The following CYP7B1 variants were observed in gnomAD, a reference collection of about 807,000 sequenced individuals.
CYP7B1 encodes cytochrome P450 family 7 subfamily B member 1.
CYP7B1 carries 29 observed loss-of-function variants against 42.7 expected under a neutral mutation model. The observed-to-expected ratio is 0.68, with a 90% CI of 0.51 to 0.93. CYP7B1 has a LOEUF of 0.93. Ranked by LOEUF, CYP7B1 falls within the 40% of genes least tolerant of loss-of-function variation. CYP7B1 has a pLI of 0.00. For missense variants in CYP7B1, 655 were observed against 600.5 expected (o/e 1.09, Z -0.95); for synonymous variants, 235 against 218.2 (o/e 1.08, Z -0.68).
intron 1 of CYP7B1, among the ~76,000 whole-genome samples, chr8:64,790,701 A>G (rs561448793): frequency 2.5e-4 from 38 of 152,334 alleles, no homozygotes; most frequent in African/African-American, 8.7e-4. Flanking sequence ...AGTGTTTACA[A>G]TATCTGATTA....
At chr8:64,748,885 T>C (rs967178643) in intron 1 of CYP7B1, among the ~76,000 whole-genome samples, 1 of 152,024 alleles carries the variant, frequency 6.6e-6, no homozygotes, top group African/African-American at 2.4e-5. Flanking sequence ...TAAACTACAG[T>C]CTCCATCTTC....
At chr8:64,788,883 T>C (rs1376819159) in intron 1 of CYP7B1, among the ~76,000 whole-genome samples, 1 of 152,162 alleles carries the variant, frequency 6.6e-6, no homozygotes, top group East Asian at 1.9e-4. Context: ...TGATGTTAAG[T>C]GAGGACTTAC....
chr8:64,759,616 A>C (rs1051893979), intron 1 of CYP7B1, among the ~76,000 whole-genome samples: 2 of 152,184 alleles, frequency 1.3e-5, no homozygotes, highest in Non-Finnish European at 2.9e-5. Context: ...ATGAATATGA[A>C]CTGTTAGACT....
chr8:64,649,370 T>G (rs748044736), intron 1 of CYP7B1, among the ~76,000 whole-genome samples: 3 of 152,264 alleles, frequency 2.0e-5, no homozygotes, highest in Non-Finnish European at 2.9e-5. Context: ...TCATCTATGT[T>G]GTTACATATT....
intron 1 of CYP7B1, among the ~76,000 whole-genome samples, chr8:64,789,218 G>A (rs1285675201): frequency 6.6e-6 from 1 of 152,120 alleles, no homozygotes. Flanking sequence ...ATGAGCCACT[G>A]TGCCTGGCCA....
chr8:64,798,652 C>T lies in CYP7B1; in HGVS notation c.-65G>A. On this transcript the variant is annotated 5_prime_UTR_variant, in exon 1 of 6. Transcript: ENST00000310193. ...CCTGCGAACAGCGCGGTCGGCGACT[C>T]TGCAGCCTGCGGCGGCTTCTCTCGG... The T allele has an allele frequency of 1.4e-6, 2 of 1,423,102 alleles. No homozygotes were observed. The highest frequency in any genetic ancestry group is 1.8e-6 in the Non-Finnish European group (2 of 1,096,636). The allele number at this position is 1,423,102 out of a possible 1,614,324, so 88.2% of individuals were successfully genotyped here.
intron 4 of CYP7B1, among the ~76,000 whole-genome samples, chr8:64,614,365 G>A (rs536162943): frequency 1.4e-4 from 21 of 152,106 alleles, no homozygotes; most frequent in African/African-American, 4.6e-4. Flanking sequence ...CTCATGAGTC[G>A]GTGAGTATTT....
At chr8:64,681,732 A>G (rs1045223592) in intron 1 of CYP7B1, among the ~76,000 whole-genome samples, 1 of 152,114 alleles carries the variant, frequency 6.6e-6, no homozygotes, top group African/African-American at 2.4e-5. Context: ...GCCCAAATTG[A>G]GTTTTGAGAT....
chr8:64,634,093 C>T (rs1023682911), intron 1 of CYP7B1, among the ~76,000 whole-genome samples: 1 of 152,162 alleles, frequency 6.6e-6, no homozygotes, highest in African/African-American at 2.4e-5. Flanking sequence ...TTGATTTGCA[C>T]ATGACATAAA....
chr8:64,759,816 A>G (rs1012616476), intron 1 of CYP7B1, among the ~76,000 whole-genome samples: 3 of 152,312 alleles, frequency 2.0e-5, no homozygotes, highest in East Asian at 3.9e-4. Context: ...CTCCAAATTT[A>G]TTTTAAAATA....
At chr8:64,627,046 T>C (rs1396063621) in intron 1 of CYP7B1, among the ~76,000 whole-genome samples, 4 of 152,212 alleles carry the variant, frequency 2.6e-5, no homozygotes, top group African/African-American at 9.7e-5. Context: ...ATCCAAGTTA[T>C]GATAGAAATA....
rs769983985 is a variant in CYP7B1, at chr8:64,615,782, C to T, written c.759G>A (p.Lys253=). The T allele has an allele frequency of 6.2e-7, 1 of 1,613,794 alleles. No homozygotes were observed. The highest frequency in any genetic ancestry group is 1.3e-5 in the African/African-American group (1 of 75,006). ...CTGACCATCCTTGCATCTTGGCTAA[C>T]TTTTCTGATGAGAAGCATTTTATAA... ...EKIIKCFSSE[K]LAKMQGWSEV... Residue 253 remains lysine, a synonymous_variant, in exon 3 of 6, where the codon AAG becomes AAA. Transcript: ENST00000310193.
chr8:64,659,179 T>C (rs1806164510), intron 1 of CYP7B1, among the ~76,000 whole-genome samples: 1 of 152,222 alleles, frequency 6.6e-6, no homozygotes, highest in Non-Finnish European at 1.5e-5. Context: ...GGTATTTTAC[T>C]AAACCACGGT....
intron 1 of CYP7B1, among the ~76,000 whole-genome samples, chr8:64,781,810 G>A (rs911999904): frequency 2.0e-5 from 3 of 152,156 alleles, no homozygotes; most frequent in Admixed American, 6.6e-5. Context: ...CTGGAGCTGA[G>A]AAGGCTTTAT....
intron 4 of CYP7B1, among the ~76,000 whole-genome samples, chr8:64,614,748 T>C (rs1283110980): frequency 6.6e-6 from 1 of 152,172 alleles, no homozygotes. Flanking sequence ...ATGCTCAGAA[T>C]CAAATGATTT....
intron 3 of CYP7B1, 64 bp downstream of exon 3, chr8:64,615,627 T>C: frequency 6.6e-7 from 1 of 1,518,460 alleles, no homozygotes; most frequent in East Asian, 2.3e-5. Context: ...ATTTTGTCTT[T>C]TTATTTCAGA....
At chr8:64,606,771 C>T (rs1378997006) in intron 4 of CYP7B1, among the ~76,000 whole-genome samples, 2 of 152,156 alleles carry the variant, frequency 1.3e-5, no homozygotes, top group Non-Finnish European at 1.5e-5. Context: ...CGCTCTGAGC[C>T]ATCATGCCGA....
At chr8:64,735,506 AC>A (rs1807474150) in intron 1 of CYP7B1, among the ~76,000 whole-genome samples, 1 of 152,164 alleles carries the variant, frequency 6.6e-6, no homozygotes, top group South Asian at 2.1e-4. Context: ...CCTTTCCATA[AC>A]TAACCTTTCC....
intron 1 of CYP7B1, among the ~76,000 whole-genome samples, chr8:64,752,395 C>CGTGT (rs5891973): frequency 8.4e-4 from 125 of 148,276 alleles, no homozygotes; most frequent in African/African-American, 2.8e-3. Context: ...TGTGCATGTG[C>CGTGT]GTGTGTGTGT....
Sources: allele counts gnomAD v4.1 joint callset (sites outside exome capture counted in the v4.1 genomes callset), GRCh38; gene constraint gnomAD v4.1.1; transcripts MANE v1.5; gene names NCBI Gene and HGNC (gene_info 2026-07-23, HGNC 2026-07-21).